MEI4: variants seen among roughly 807,000 people sequenced by gnomAD.
MEI4 encodes meiosis-specific protein MEI4.
Under a neutral mutation model 31.4 loss-of-function variants are expected in MEI4, and 27 were observed. That is an observed-to-expected ratio of 0.86 (90% CI 0.63 to 1.19). The LOEUF is 1.19. Among genes scored for constraint, MEI4 ranks in the 50% most tolerant of loss-of-function variants. The pLI, the probability that MEI4 is intolerant of heterozygous loss-of-function variation, is 0.00. For missense variants in MEI4, 329 were observed against 398.9 expected, an observed-to-expected ratio of 0.82 and a Z score of 1.49; for synonymous variants, 122 against 145.4, an observed-to-expected ratio of 0.84 and a Z score of 1.16.
At position 77,723,088 on chromosome 6, in the gene MEI4, C is replaced by T. The variant is rs1347782664; in HGVS notation, c.232+32185C>T. Among the ~76,000 whole-genome samples, 28 of 144,218 alleles carry T rather than the reference C, an allele frequency of 1.9e-4. 1 individual carries two copies. The highest frequency in any genetic ancestry group is 5.7e-4 in the African/African-American group (22 of 38,460). The allele number at this position is 144,218 out of a possible 152,430, so 94.6% of individuals were successfully genotyped here. ...AGAGCTAATAACCAACTGAATTTCG[C>T]CTTTATAGTCTGAATCAACCACACT... is the stretch of plus-strand genomic sequence containing the variant. On this transcript the variant is annotated intron_variant, in intron 2 of 4. Transcript: ENST00000684080.
rs923659183 is a variant in MEI4, at chr6:77,925,832, A to C, written c.*2486A>C. On this transcript the variant is annotated 3_prime_UTR_variant, in exon 5 of 5. Transcript: ENST00000684080. ...ATTTTATATACATTTATATAATAAA[A>C]TATATGAATAAGTAATATTATACAT... 3 of 148,584 alleles carry C rather than the reference A, an allele frequency of 2.0e-5. No individual in the cohort carries two copies. The highest frequency in any genetic ancestry group is 4.5e-5 in the Non-Finnish European group (3 of 67,270). 9.2% of individuals were successfully genotyped at this position (148,584 alleles called of 1,614,324 possible).
chr6:77,687,820 A>T (rs747281917), intron 1 of MEI4, among the ~76,000 whole-genome samples: 21 of 152,040 alleles, frequency 1.4e-4, no homozygotes, highest in African/African-American at 4.6e-4. Flanking sequence ...TAGCATCCTG[A>T]TGTGTTCACC....
At chr6:77,865,348 G>T (rs1770994733) in intron 4 of MEI4, among the ~76,000 whole-genome samples, 1 of 152,006 alleles carries the variant, frequency 6.6e-6, no homozygotes, top group Admixed American at 6.6e-5. Flanking sequence ...CAATAAAGAA[G>T]AAAGGAGAGA....
intron 2 of MEI4, among the ~76,000 whole-genome samples, chr6:77,696,659 T>C (rs1285838817): frequency 1.2e-4 from 18 of 151,618 alleles, no homozygotes; most frequent in South Asian, 2.1e-4. Context: ...CTGCTGGATT[T>C]GGTTTGCCAG....
chr6:77,803,089 C>T (rs949227770), intron 3 of MEI4, among the ~76,000 whole-genome samples: 1 of 152,168 alleles, frequency 6.6e-6, no homozygotes, highest in Non-Finnish European at 1.5e-5. Flanking sequence ...TTCCATTCTC[C>T]CCATCACTTT....
chr6:77,682,366 C>A lies in MEI4; in HGVS notation c.-14-8292C>A, dbSNP rs2199054. 1.4e-3 allele frequency among the ~76,000 whole-genome samples: 213 copies of A among 152,098 alleles called. 1 individual carries two copies. The highest frequency in any genetic ancestry group is 4.5e-3 in the African/African-American group (187 of 41,478). Reference sequence around the variant, plus strand: ...TTACCCTCTGACCTAAAACTGTATGCGAATTAGATTTTACCTTTCCTACTG... The same window carrying A: ...TTACCCTCTGACCTAAAACTGTATGAGAATTAGATTTTACCTTTCCTACTG... On this transcript the variant is annotated intron_variant, in intron 1 of 4. Transcript: ENST00000684080.
intron 4 of MEI4, among the ~76,000 whole-genome samples, chr6:77,849,555 A>G (rs1476202834): frequency 6.6e-6 from 1 of 152,220 alleles, no homozygotes; most frequent in African/African-American, 2.4e-5. Context: ...GGCATTTTAT[A>G]TAAGCGTTAG....
chr6:77,844,789 AGAAAAG>A (rs887154041), intron 4 of MEI4, among the ~76,000 whole-genome samples: 3 of 152,162 alleles, frequency 2.0e-5, no homozygotes, highest in African/African-American at 7.2e-5. Flanking sequence ...TAATAATATT[AGAAAAG>A]GAAAAGAGTC....
intron 3 of MEI4, among the ~76,000 whole-genome samples, chr6:77,824,864 C>T (rs1377485856): frequency 2.0e-5 from 3 of 152,090 alleles, no homozygotes; most frequent in Non-Finnish European, 2.9e-5. Flanking sequence ...AAGTTTATTT[C>T]CTTCATTAGT....
chr6:77,774,249 G>A (rs1768384528), intron 3 of MEI4, among the ~76,000 whole-genome samples: 1 of 151,896 alleles, frequency 6.6e-6, no homozygotes, highest in Non-Finnish European at 1.5e-5. Context: ...AGCTAAAACT[G>A]GGGAGCAATC....
intron 2 of MEI4, among the ~76,000 whole-genome samples, chr6:77,752,949 G>C (rs144701170): frequency 2.0e-5 from 3 of 151,992 alleles, no homozygotes; most frequent in South Asian, 4.1e-4. Context: ...ATAACGCCAC[G>C]CATCTATAAC....
At chr6:77,762,705 AGCTGTTCTTTCCTTCTC>A (rs1768073308) in intron 3 of MEI4, among the ~76,000 whole-genome samples, 1 of 152,182 alleles carries the variant, frequency 6.6e-6, no homozygotes, top group Non-Finnish European at 1.5e-5. Flanking sequence ...TTTCATGTAC[AGCTGTTCTTTCCTTCTC>A]TATTAAGGTA....
At chr6:77,913,170 C>T (rs527836215) in intron 4 of MEI4, among the ~76,000 whole-genome samples, 9 of 152,108 alleles carry the variant, frequency 5.9e-5, no homozygotes, top group South Asian at 2.1e-4. Flanking sequence ...CCTTTTGATG[C>T]GCTGTGTATT....
intron 1 of MEI4, among the ~76,000 whole-genome samples, chr6:77,682,759 G>T (rs1010102811): frequency 6.6e-6 from 1 of 152,090 alleles, no homozygotes; most frequent in South Asian, 2.1e-4. Flanking sequence ...GGGGATAGTC[G>T]CTTGCTGCTT....
chr6:77,913,179 T>A (rs1291173893), intron 4 of MEI4, among the ~76,000 whole-genome samples: 1 of 152,180 alleles, frequency 6.6e-6, no homozygotes, highest in African/African-American at 2.4e-5. Flanking sequence ...GCGCTGTGTA[T>A]TTGGTTTTCT....
chr6:77,658,594 G>A (rs925111563), intron 1 of MEI4, among the ~76,000 whole-genome samples: 4 of 152,034 alleles, frequency 2.6e-5, no homozygotes, highest in Admixed American at 1.3e-4. Flanking sequence ...GATTAGGGGC[G>A]GCGTGGGAAC....
chr6:77,735,560 T>G (rs933496599), intron 2 of MEI4, among the ~76,000 whole-genome samples: 1 of 152,090 alleles, frequency 6.6e-6, no homozygotes, highest in African/African-American at 2.4e-5. Flanking sequence ...AGTTTTCAAC[T>G]TCTTTGCCTT....
At chr6:77,753,009 C>T (rs1767818365) in intron 2 of MEI4, among the ~76,000 whole-genome samples, 1 of 152,116 alleles carries the variant, frequency 6.6e-6, no homozygotes, top group Non-Finnish European at 1.5e-5. Context: ...GGAAAGGATT[C>T]CCTATTTAAT....
intron 4 of MEI4, among the ~76,000 whole-genome samples, chr6:77,902,531 C>A (rs1766206230): frequency 6.6e-6 from 1 of 152,002 alleles, no homozygotes; most frequent in Non-Finnish European, 1.5e-5. Flanking sequence ...AGAAGCACTA[C>A]TGATTTTTGT....
Sources: gnomAD v4.1 joint callset for allele counts (sites outside exome capture counted in the v4.1 genomes callset) on GRCh38, gnomAD v4.1.1 for gene constraint, MANE v1.5 for transcripts, NCBI Gene and HGNC (gene_info 2026-07-23, HGNC 2026-07-21) for gene names.